ESRRG: variants seen among roughly 807,000 people sequenced by gnomAD.
ESRRG encodes the protein estrogen related receptor gamma, also known as estrogen-related receptor gamma.
A neutral mutation model predicts 44.0 loss-of-function variants in ESRRG; 13 were observed. The observed-to-expected ratio is 0.30, with a 90% CI of 0.19 to 0.47. ESRRG has a LOEUF of 0.47. ESRRG is among the 20% of genes least tolerant of loss of function. The pLI, the probability that ESRRG is intolerant of heterozygous loss-of-function variation, is 1.00. For missense variants in ESRRG, 395 were observed against 580.6 expected (o/e 0.68, Z 3.29); for synonymous variants, 215 against 214.6 (o/e 1.00, Z -0.02).
At position 216,696,451 on chromosome 1, in the gene ESRRG, C is replaced by T. The variant is rs559724150; in HGVS notation, c.57-18960G>A. Among the ~76,000 whole-genome samples, 157 of 152,216 alleles carry T rather than the reference C, an allele frequency of 1.0e-3. 1 individual carries two copies. The highest frequency in any genetic ancestry group is 3.5e-3 in the African/African-American group (147 of 41,538). On this transcript the variant is annotated intron_variant, in intron 1 of 6. Coordinates refer to ENST00000408911, the MANE Select transcript of ESRRG (RefSeq NM_001438.4). ...AAGTGCCATGATGTACCTGTCTTGA[C>T]TATTTGACCCCAAAATAACAAAACT... is the stretch of plus-strand genomic sequence containing the variant.
At chr1:216,727,696 A>G (rs1026306484), upstream of ESRRG, among the ~76,000 whole-genome samples, 3 of 152,158 alleles carry the variant, frequency 2.0e-5, no homozygotes, top group Non-Finnish European at 4.4e-5. Context: ...ATTGGCAAGA[A>G]GCAATCATTT....
chr1:216,856,786 T>G (rs2095949361), intron 2 of ESRRG, among the ~76,000 whole-genome samples: 1 of 152,202 alleles, frequency 6.6e-6, no homozygotes, highest in African/African-American at 2.4e-5. Context: ...TAGTTTACAG[T>G]GGGCTTGTGC....
intron 2 of ESRRG, among the ~76,000 whole-genome samples, chr1:216,860,598 A>C (rs2096034744): frequency 6.6e-6 from 1 of 152,264 alleles, no homozygotes; most frequent in South Asian, 2.1e-4. Context: ...ATATTGGAAC[A>C]ATATATTTAA....
At chr1:216,846,003 A>G (rs1365789171) in intron 2 of ESRRG, among the ~76,000 whole-genome samples, 1 of 152,162 alleles carries the variant, frequency 6.6e-6, no homozygotes, top group Admixed American at 6.6e-5. Context: ...TTCCTTTGTC[A>G]CAGTAACCAC....
At chr1:216,896,491 T>C (rs1050782194) in intron 2 of ESRRG, among the ~76,000 whole-genome samples, 4 of 152,130 alleles carry the variant, frequency 2.6e-5, no homozygotes, top group African/African-American at 9.7e-5. Flanking sequence ...CACAGATTGT[T>C]AGGGGGAGCT....
intron 3 of ESRRG, among the ~76,000 whole-genome samples, chr1:216,583,038 T>C (rs925133698): frequency 2.1e-5 from 3 of 145,572 alleles, no homozygotes; most frequent in African/African-American, 4.9e-5. Flanking sequence ...GTCTTGAGTG[T>C]TTGAAGAAAA....
intron 2 of ESRRG, among the ~76,000 whole-genome samples, chr1:216,741,203 T>A (rs533350864): frequency 1.4e-5 from 2 of 147,360 alleles, no homozygotes; most frequent in South Asian, 4.2e-4. Flanking sequence ...ATATTTATAA[T>A]TTATATAATT....
chr1:216,506,300 C>T lies in ESRRG; in HGVS notation c.*639G>A, dbSNP rs754910821. 10 of 212,262 alleles carry T rather than the reference C, an allele frequency of 4.7e-5. No individual in the cohort carries two copies. The highest frequency in any genetic ancestry group is 2.1e-3 in the Middle Eastern group (1 of 472). The allele number at this position is 212,262 out of a possible 1,614,324, so 13.1% of individuals were successfully genotyped here. A position where few individuals can be genotyped will look rare whatever the true frequency, so the allele number is the denominator to read the frequency against. On this transcript the variant is annotated 3_prime_UTR_variant, in exon 7 of 7. Transcript: ENST00000408911. ...TCTTTGATTCCTTAGTCATTGGGGACAGTATGGTTCACAATAAGTTCACTG... is the reference window on the plus strand; with the variant it reads ...TCTTTGATTCCTTAGTCATTGGGGATAGTATGGTTCACAATAAGTTCACTG...
chr1:216,874,185 G>A (rs972356336), intron 2 of ESRRG, among the ~76,000 whole-genome samples: 1 of 152,078 alleles, frequency 6.6e-6, no homozygotes, highest in Non-Finnish European at 1.5e-5. Context: ...TACCAGAAGG[G>A]GAACAATGAT....
chr1:216,567,686 C>T (rs1345748774), intron 4 of ESRRG, among the ~76,000 whole-genome samples: 1 of 151,980 alleles, frequency 6.6e-6, no homozygotes, highest in Admixed American at 6.6e-5. Context: ...ATAAAGATAA[C>T]CAGTAAATGT....
rs1257252779 is a variant in ESRRG at position 216,667,738 on chromosome 1, A to C, written c.472+9338T>G. ...AGAACGAAGTTGAAAAATTATGAAA[A>C]AGCTTATCCCTTTATTAAATGTAAC... On this transcript the variant is annotated intron_variant, in intron 2 of 6. Transcript: ENST00000408911. Among the ~76,000 whole-genome samples, 3 of 150,678 alleles carry C rather than the reference A, an allele frequency of 2.0e-5. No homozygotes were observed. The East Asian group carries it at 5.9e-4, about 29-fold the overall frequency.
At chr1:216,757,021 C>T (rs574564594) in intron 2 of ESRRG, among the ~76,000 whole-genome samples, 1 of 152,060 alleles carries the variant, frequency 6.6e-6, no homozygotes, top group South Asian at 2.1e-4. Flanking sequence ...AACTCATTCC[C>T]TCTCCTCATA....
chr1:216,705,104 T>G (rs1160166878), intron 1 of ESRRG, among the ~76,000 whole-genome samples: 2 of 152,144 alleles, frequency 1.3e-5, no homozygotes, highest in Non-Finnish European at 2.9e-5. Context: ...TACAATCGCT[T>G]TAAGTATTTC....
At chr1:216,807,715 T>A (rs368698722) in intron 2 of ESRRG, among the ~76,000 whole-genome samples, 4 of 147,168 alleles carry the variant, frequency 2.7e-5, no homozygotes, top group Non-Finnish European at 4.5e-5. Flanking sequence ...CCTTTGCCAA[T>A]AAAAAAAAAA....
chr1:216,923,331 T>G (rs1363718206), intron 2 of ESRRG, among the ~76,000 whole-genome samples: 1 of 152,212 alleles, frequency 6.6e-6, no homozygotes, highest in Non-Finnish European at 1.5e-5. Flanking sequence ...TACAAAGGCT[T>G]AATTAACATG....
chr1:216,982,281 A>T (rs1200763308), intron 1 of ESRRG, among the ~76,000 whole-genome samples: 4 of 152,220 alleles, frequency 2.6e-5, no homozygotes, highest in Admixed American at 6.5e-5. Context: ...TGCAGGTATA[A>T]GTTGGATATT....
intron 3 of ESRRG, among the ~76,000 whole-genome samples, chr1:216,636,482 C>T (rs184439589): frequency 6.6e-6 from 1 of 152,300 alleles, no homozygotes; most frequent in East Asian, 1.9e-4. Context: ...CGAAAAGAGA[C>T]AGTAGTAAAG....
chr1:216,952,945 C>T (rs2150091181), intron 1 of ESRRG, among the ~76,000 whole-genome samples: 1 of 152,088 alleles, frequency 6.6e-6, no homozygotes, highest in South Asian at 2.1e-4. Context: ...TGAACATTGC[C>T]TCACAATCAC....
At chr1:216,717,519 AT>A (rs1260606909) in intron 1 of ESRRG, among the ~76,000 whole-genome samples, 1 of 151,862 alleles carries the variant, frequency 6.6e-6, no homozygotes. Context: ...GGTTAGCAGA[AT>A]TTTTTTAAAA....
Sources: allele counts gnomAD v4.1 joint callset (sites outside exome capture counted in the v4.1 genomes callset), GRCh38; gene constraint gnomAD v4.1.1; transcripts MANE v1.5; gene names NCBI Gene and HGNC (gene_info 2026-07-23, HGNC 2026-07-21).